UGT2A3: variants seen among roughly 807,000 people sequenced by gnomAD.
The protein encoded by UGT2A3 is UDP-glucuronosyltransferase 2A3.
UGT2A3 carries 55 observed loss-of-function variants against 44.1 expected under a neutral mutation model. The ratio of observed to expected loss-of-function variants is 1.25; its 90% CI spans 1.00 to 1.56. The LOEUF is 1.56. Ranked by LOEUF, UGT2A3 falls within the 40% of genes most tolerant of loss-of-function variation. The probability of loss-of-function intolerance (pLI) is 0.00; values close to 1 mark genes in which losing one functional copy is unlikely to be tolerated. For missense variants in UGT2A3, 733 were observed against 621.6 expected (o/e 1.18, Z -1.91); for synonymous variants, 243 against 215.1 (o/e 1.13, Z -1.13).
At chr4:68,948,850 A>T (rs1359803410) in intron 1 of UGT2A3, among the ~76,000 whole-genome samples, 1 of 151,828 alleles carries the variant, frequency 6.6e-6, no homozygotes, top group African/African-American at 2.4e-5. Flanking sequence ...TTTGTAAAAG[A>T]AAAAGGTTTT....
rs543189681 is a variant in UGT2A3, at chr4:68,930,752, G to T, written c.1098C>A (p.Thr366=). The T allele has an allele frequency of 2.5e-6, 4 of 1,594,590 alleles. No individual in the cohort carries two copies. The East Asian group carries it at 6.7e-5, about 27-fold the overall frequency. ...PQNDLLGHPK[T]KAFITHGGMN... ...TTCCACCATGAGTGATAAAAGCTTT[G>T]GTTTTGGGATGACCTAGTATGTAAA... Residue 366 remains threonine, a synonymous_variant, in exon 5 of 6, where the codon ACC becomes ACA. Coordinates refer to ENST00000251566, the MANE Select transcript of UGT2A3 (RefSeq NM_024743.4).
Position 68,930,576 on chromosome 4 carries a change from C to A in UGT2A3, c.1274G>T (p.Arg425Met). Residue 425 changes from arginine (R) to methionine (M), a missense_variant, in exon 5 of 6, where the codon AGG becomes ATG. Physicochemically the swap from Arg to Met is moderately conservative, Grantham distance 91 (BLOSUM62 -1). Coordinates refer to ENST00000251566, the MANE Select transcript of UGT2A3 (RefSeq NM_024743.4). ...FKTMTSEDLL[R>M]ALRTVITDSS... ...ATCGGTAATGACTGTTCTCAAAGCCCTCAGTAAATCTTCGCTTGTCATAGT... is the reference window on the plus strand; with the variant it reads ...ATCGGTAATGACTGTTCTCAAAGCCATCAGTAAATCTTCGCTTGTCATAGT... 2.5e-6 allele frequency: 4 copies of A among 1,612,576 alleles called. No homozygotes were observed. The highest frequency in any genetic ancestry group is 3.4e-6 in the Non-Finnish European group (4 of 1,179,184).
chr4:68,931,948 A>G (rs1308806661), intron 3 of UGT2A3, among the ~76,000 whole-genome samples: 2 of 151,948 alleles, frequency 1.3e-5, no homozygotes, highest in Admixed American at 6.6e-5. Context: ...TCAAATTCCT[A>G]ATTAGTATGC....
chr4:68,933,969 A>G (rs1375100381), intron 2 of UGT2A3, among the ~76,000 whole-genome samples: 2 of 151,980 alleles, frequency 1.3e-5, no homozygotes, highest in African/African-American at 2.4e-5. Flanking sequence ...ACTTAACACC[A>G]CTGCATATCA....
In UGT2A3 at chr4:68,951,179, C is replaced by G. The variant is rs955786401; in HGVS notation, c.582G>C (p.Val194=). ...TTCTGTCTGTTAGTCCTGTCATAGG[C>G]ACAGGTACATAGGAAAGTGGAGCTG... The part of the protein sequence containing the change: ...KLPAPLSYVP[V]PMTGLTDRMT... Residue 194 remains valine, a synonymous_variant, in exon 1 of 6, where the codon GTG becomes GTC. Coordinates refer to ENST00000251566, the MANE Select transcript of UGT2A3 (RefSeq NM_024743.4). The G allele has an allele frequency of 1.9e-6, 3 of 1,612,068 alleles. No homozygotes were observed. Among genetic ancestry groups the G allele is most frequent in the Non-Finnish European group, 2.5e-6 (3 of 1,179,012 alleles).
In UGT2A3 at chr4:68,930,108, A is replaced by C. The variant is rs1367271117; in HGVS notation, c.1305-16T>G. ...CTCTTTATAACTGGAAGGGAAAAAC[A>C]CACATAGAACTTAGAAAGTTGTAGT... On this transcript the variant is annotated splice_polypyrimidine_tract_variant and intron_variant, in intron 5 of 5. Coordinates refer to ENST00000251566, the MANE Select transcript of UGT2A3 (RefSeq NM_024743.4). The C allele has an allele frequency of 6.3e-7, 1 of 1,588,336 alleles. No homozygotes were observed. The highest frequency in any genetic ancestry group is 2.2e-5 in the East Asian group (1 of 44,540).
rs1448717288 is a variant in UGT2A3, at chr4:68,929,802, T to A, written c.*11A>T. On this transcript the variant is annotated 3_prime_UTR_variant, in exon 6 of 6. Coordinates refer to ENST00000251566, the MANE Select transcript of UGT2A3 (RefSeq NM_024743.4). Reference sequence around the variant, plus strand: ...ATTACCCCATCAGGTCTTTCTTGAATTTGGAAAGATCTATTCCCTCTTTTC... The same window carrying A: ...ATTACCCCATCAGGTCTTTCTTGAAATTGGAAAGATCTATTCCCTCTTTTC... 6.4e-7 allele frequency: 1 copy of A among 1,556,372 alleles called. No homozygotes were observed. Among genetic ancestry groups the A allele is most frequent in the Non-Finnish European group, 8.7e-7 (1 of 1,148,904 alleles).
intron 2 of UGT2A3, among the ~76,000 whole-genome samples, chr4:68,933,729 T>G (rs1217421682): frequency 1.3e-5 from 2 of 152,066 alleles, no homozygotes; most frequent in Non-Finnish European, 2.9e-5. Flanking sequence ...TAAGTTCCAG[T>G]TATTTCTTAA....
At chr4:68,932,799 T>C (rs757165705) in intron 2 of UGT2A3, 40 bp from the exon 3 acceptor site, 3 of 1,559,994 alleles carry the variant, frequency 1.9e-6, no homozygotes, top group Non-Finnish European at 2.6e-6. Flanking sequence ...AGGCATAATA[T>C]AACAAAAATT....
rs1378460895 is a variant in UGT2A3 at position 68,928,997 on chromosome 4, CTTCT to C, written c.*812_*815del. On this transcript the variant is annotated 3_prime_UTR_variant, in exon 6 of 6. Coordinates refer to ENST00000251566, the MANE Select transcript of UGT2A3 (RefSeq NM_024743.4). ...ATTTTTAAAGAATAAACATATAAAT[CTTCT>C]TTAAGTGTACTATCAAATAAATTTT... 1 of 151,926 alleles carries C rather than the reference CTTCT, an allele frequency of 6.6e-6. No homozygotes were observed. The highest frequency in any genetic ancestry group is 2.4e-5 in the African/African-American group (1 of 41,410). 9.4% of individuals were successfully genotyped at this position (151,926 alleles called of 1,614,324 possible).
intron 2 of UGT2A3, among the ~76,000 whole-genome samples, chr4:68,942,773 A>T (rs1718248048): frequency 6.6e-6 from 1 of 151,508 alleles, no homozygotes; most frequent in South Asian, 2.1e-4. Context: ...AGGGAGGGCA[A>T]TGAGAAATGG....
intron 2 of UGT2A3, chr4:68,943,441 C>A: frequency 1.5e-6 from 1 of 667,742 alleles, no homozygotes; most frequent in East Asian, 9.8e-5. Flanking sequence ...ACACATCTTA[C>A]TATAAAACCA....
At position 68,951,425 on chromosome 4, in the gene UGT2A3, A is replaced by G. The variant is rs147092226; in HGVS notation, c.336T>C (p.Asp112=). The G allele has an allele frequency of 3.1e-6, 5 of 1,611,714 alleles. No individual in the cohort carries two copies. Among genetic ancestry groups the G allele is most frequent in the East Asian group, 2.2e-5 (1 of 44,674 alleles). ...STWQSVIKLN[D]FFVEIRGTLK... ...AAGTTCCTCTTATTTCAACAAAAAA[A>G]TCATTTAATTTTATAACTGATTGCC... Residue 112 remains aspartate (D), a synonymous_variant, in exon 1 of 6, where the codon GAT becomes GAC. Transcript: ENST00000251566.
chr4:68,947,434 C>A (rs2331563), intron 1 of UGT2A3, among the ~76,000 whole-genome samples: 73,746 of 151,410 alleles, frequency 0.49, 21,286 homozygotes, highest in Non-Finnish European at 0.67. Context: ...AATTCTATTT[C>A]TTTTTTCATG....
intron 3 of UGT2A3, among the ~76,000 whole-genome samples, chr4:68,931,715 G>C (rs1717742687): frequency 6.6e-6 from 1 of 151,568 alleles, no homozygotes; most frequent in Admixed American, 6.6e-5. Context: ...TTCCTTCCTG[G>C]CCTCTTTCTT....
rs376414130 is a variant in UGT2A3, at chr4:68,932,689, T to C, written c.935A>G (p.Gln312Arg). 17 of 1,612,120 alleles carry C rather than the reference T, an allele frequency of 1.1e-5. No homozygotes were observed. In the African/African-American group the frequency reaches 2.0e-4, roughly 19 times the overall value. ...ATTAGCCTTTTCTTCTGTAACATTT[T>C]GAAACAGTGACCCCAGAGAAAACAC... ...IVVFSLGSLF[Q>R]NVTEEKANII... is the part of the protein sequence containing the mutation. Residue 312 changes from glutamine to arginine, a missense_variant, in exon 3 of 6, where the codon CAA becomes CGA. By Grantham distance (43) the Gln-to-Arg change is conservative (BLOSUM62 1). Transcript: ENST00000251566.
chr4:68,943,941 G>A (rs1323541160), intron 2 of UGT2A3, among the ~76,000 whole-genome samples: 1 of 151,784 alleles, frequency 6.6e-6, no homozygotes, highest in Non-Finnish European at 1.5e-5. Flanking sequence ...TAACACCCTG[G>A]ATCCCAGTTA....
At chr4:68,942,540 C>T (rs7681526) in intron 2 of UGT2A3, among the ~76,000 whole-genome samples, 10,317 of 104,104 alleles carry the variant, frequency 0.099, 690 homozygotes, top group Admixed American at 0.19. Flanking sequence ...TATATATATA[C>T]ATTTTCCAAT....
At chr4:68,942,190 T>TTA (rs1184933599) in intron 2 of UGT2A3, among the ~76,000 whole-genome samples, 3 of 151,538 alleles carry the variant, frequency 2.0e-5, no homozygotes, top group African/African-American at 7.3e-5. Context: ...TACATCAACA[T>TTA]TATTCATATA....
Sources: gnomAD v4.1 joint callset for allele counts (sites outside exome capture counted in the v4.1 genomes callset) on GRCh38, gnomAD v4.1.1 for gene constraint, MANE v1.5 for transcripts, NCBI Gene and HGNC (gene_info 2026-07-23, HGNC 2026-07-21) for gene names.